Variants in PLEKHF2 observed in about 807,000 individuals in gnomAD.
PLEKHF2 encodes the protein pleckstrin homology and FYVE domain containing 2, also known as pleckstrin homology domain-containing family F member 2.
A neutral mutation model predicts 14.7 loss-of-function variants in PLEKHF2; 4 were observed. That is an observed-to-expected ratio of 0.27 (90% CI 0.13 to 0.62). PLEKHF2 has a LOEUF of 0.62. Among genes scored for constraint, PLEKHF2 ranks in the 20% least tolerant of loss-of-function variants. PLEKHF2 has a pLI of 0.85. For synonymous variants in PLEKHF2, 90 were observed against 103.5 expected, an observed-to-expected ratio of 0.87 and a Z score of 0.79; for missense variants, 201 against 307.7, an observed-to-expected ratio of 0.65 and a Z score of 2.60.
intron 1 of PLEKHF2, among the ~76,000 whole-genome samples, chr8:95,148,828 A>G (rs1162233732): frequency 6.6e-6 from 1 of 152,152 alleles, no homozygotes; most frequent in Admixed American, 6.5e-5. Flanking sequence ...TTAGGTGGAT[A>G]AAATAATTAA....
At chr8:95,136,331 TATACACACAC>T (rs774550448) in intron 1 of PLEKHF2, among the ~76,000 whole-genome samples, 2,234 of 107,806 alleles carry the variant, frequency 0.021, 32 homozygotes, top group Non-Finnish European at 0.032. Flanking sequence ...TTTTATTATA[TATACACACAC>T]ACACACACAC....
At chr8:95,137,356 A>G (rs1205369713) in intron 1 of PLEKHF2, among the ~76,000 whole-genome samples, 1 of 152,248 alleles carries the variant, frequency 6.6e-6, no homozygotes. Flanking sequence ...GCCTGTAGGA[A>G]TACCTAGTTC....
At position 95,155,803 on chromosome 8, in the gene PLEKHF2, C is replaced by T. The variant is rs1475954082; in HGVS notation, c.*1009C>T. Reference sequence around the variant, plus strand: ...TGGAAGAAATAATATGTAAGAATGGCCTCAAGGCAGACCACTTTAAGTTTG... The same window carrying T: ...TGGAAGAAATAATATGTAAGAATGGTCTCAAGGCAGACCACTTTAAGTTTG... On this transcript the variant is annotated 3_prime_UTR_variant, in exon 2 of 2. Transcript: ENST00000315367. 2 of 167,024 alleles carry T rather than the reference C, an allele frequency of 1.2e-5. No homozygotes were observed. The highest frequency in any genetic ancestry group is 1.3e-4 in the Admixed American group (2 of 15,266). The allele number at this position is 167,024 out of a possible 1,614,324, so 10.3% of individuals were successfully genotyped here. A position where few individuals can be genotyped will look rare whatever the true frequency, so the allele number is the denominator to read the frequency against.
chr8:95,144,523 TTC>T (rs1470374458), intron 1 of PLEKHF2, among the ~76,000 whole-genome samples: 6 of 152,188 alleles, frequency 3.9e-5, no homozygotes, highest in South Asian at 2.1e-4. Context: ...CAAAAAATAT[TTC>T]TGTCATATTT....
rs34457137 is a variant in PLEKHF2 at position 95,136,333 on chromosome 8, T to TACAC, written c.-15+2341_-15+2344dup. ...TCCACAGATTGGTTTTTATTATATA[T>TACAC]ACACACACACACACACACACACACA... On this transcript the variant is annotated intron_variant, in intron 1 of 1. Transcript: ENST00000315367. Among the ~76,000 whole-genome samples, 346 of 124,006 alleles carry TACAC rather than the reference T, an allele frequency of 2.8e-3. 2 individuals are homozygous for TACAC. The highest frequency in any genetic ancestry group is 9.0e-3 in the South Asian group (38 of 4,244). 81.4% of individuals were successfully genotyped at this position (124,006 alleles called of 152,430 possible). A position where few individuals can be genotyped will look rare whatever the true frequency, so the allele number is the denominator to read the frequency against.
intron 1 of PLEKHF2, among the ~76,000 whole-genome samples, chr8:95,152,113 G>A (rs188471534): frequency 2.4e-4 from 36 of 152,132 alleles, no homozygotes; most frequent in Admixed American, 2.3e-3. Flanking sequence ...GTATTTATTT[G>A]AAATAAAAAT....
At chr8:95,146,434 A>AT (rs1222967711) in intron 1 of PLEKHF2, among the ~76,000 whole-genome samples, 1 of 151,838 alleles carries the variant, frequency 6.6e-6, no homozygotes, top group African/African-American at 2.4e-5. Flanking sequence ...AGAAGTATTG[A>AT]TTTCCAGCAG....
At chr8:95,140,468 A>G (rs537542832) in intron 1 of PLEKHF2, among the ~76,000 whole-genome samples, 30 of 152,216 alleles carry the variant, frequency 2.0e-4, no homozygotes, top group African/African-American at 7.2e-4. Flanking sequence ...TTGTCTTCCC[A>G]TGGCCTGTGT....
chr8:95,139,161 G>T (rs992228213), intron 1 of PLEKHF2, among the ~76,000 whole-genome samples: 1 of 151,990 alleles, frequency 6.6e-6, no homozygotes, highest in African/African-American at 2.4e-5. Context: ...TTATTTTTCT[G>T]TTGGGATATT....
At chr8:95,136,727 A>AT (rs902683829) in intron 1 of PLEKHF2, among the ~76,000 whole-genome samples, 3 of 152,132 alleles carry the variant, frequency 2.0e-5, no homozygotes, top group Non-Finnish European at 2.9e-5. Context: ...TATATGAAAA[A>AT]TTTTTTTGTT....
intron 1 of PLEKHF2, among the ~76,000 whole-genome samples, chr8:95,137,435 C>A (rs114779767): frequency 0.013 from 1,945 of 152,284 alleles, 40 homozygotes; most frequent in African/African-American, 0.044. Context: ...GCCTGGATCC[C>A]ACCCCAGGAC....
chr8:95,141,601 C>G (rs1234421048), intron 1 of PLEKHF2, among the ~76,000 whole-genome samples: 1 of 152,112 alleles, frequency 6.6e-6, no homozygotes, highest in Non-Finnish European at 1.5e-5. Context: ...TCTTGGCTCA[C>G]TGCAACCTCT....
intron 1 of PLEKHF2, among the ~76,000 whole-genome samples, chr8:95,136,130 C>A (rs914553839): frequency 2.6e-5 from 4 of 152,166 alleles, no homozygotes; most frequent in Non-Finnish European, 5.9e-5. Flanking sequence ...CCTCTTCATT[C>A]CCTGCATGCC....
intron 1 of PLEKHF2, among the ~76,000 whole-genome samples, chr8:95,147,664 G>A (rs1256631330): frequency 6.6e-6 from 1 of 151,796 alleles, no homozygotes; most frequent in African/African-American, 2.4e-5. Context: ...CCCCAATTAT[G>A]CCAAAAAGAA....
chr8:95,136,694 A>G (rs1810379752), intron 1 of PLEKHF2, among the ~76,000 whole-genome samples: 1 of 152,212 alleles, frequency 6.6e-6, no homozygotes, highest in Admixed American at 6.5e-5. Context: ...TAGAATTTTT[A>G]GAATGCCCTG....
intron 1 of PLEKHF2, among the ~76,000 whole-genome samples, chr8:95,137,237 T>C (rs543002551): frequency 6.6e-6 from 1 of 152,302 alleles, no homozygotes; most frequent in East Asian, 1.9e-4. Context: ...CAAGATTCGA[T>C]GTTTGTGGAA....
chr8:95,142,688 C>T (rs1810451825), intron 1 of PLEKHF2, among the ~76,000 whole-genome samples: 1 of 152,152 alleles, frequency 6.6e-6, no homozygotes, highest in Admixed American at 6.5e-5. Context: ...ACGTAATCAT[C>T]ATTTTTTATT....
chr8:95,152,709 G>C (rs1468310565), intron 1 of PLEKHF2, among the ~76,000 whole-genome samples: 2 of 152,054 alleles, frequency 1.3e-5, no homozygotes, highest in African/African-American at 4.8e-5. Context: ...TGGAGGACAA[G>C]AGGGCTTTAT....
intron 1 of PLEKHF2, among the ~76,000 whole-genome samples, chr8:95,150,438 A>G (rs1022298789): frequency 6.6e-6 from 1 of 152,202 alleles, no homozygotes; most frequent in Non-Finnish European, 1.5e-5. Flanking sequence ...AAAAGAATGC[A>G]TCATTCATTG....
Sources: allele counts gnomAD v4.1 joint callset (sites outside exome capture counted in the v4.1 genomes callset), GRCh38; gene constraint gnomAD v4.1.1; transcripts MANE v1.5; gene names NCBI Gene and HGNC (gene_info 2026-07-23, HGNC 2026-07-21).